ZBTB7C: variants seen among roughly 807,000 people sequenced by gnomAD.
The protein encoded by ZBTB7C is zinc finger and BTB domain containing 7C, also known as zinc finger and BTB domain-containing protein 7C.
In ZBTB7C, 8 loss-of-function variants were observed where a neutral mutation model predicts 25.7. The observed-to-expected ratio is 0.31, with a 90% confidence interval of 0.18 to 0.56. The LOEUF (loss-of-function observed/expected upper bound fraction) is 0.56, where lower values mean the gene tolerates loss of function less well. Ranked by LOEUF, ZBTB7C falls within the 20% of genes least tolerant of loss-of-function variation. The pLI is 0.91. For synonymous variants in ZBTB7C, 394 were observed against 369.0 expected, an observed-to-expected ratio of 1.07 and a Z score of -0.78; for missense variants, 824 against 855.2, an observed-to-expected ratio of 0.96 and a Z score of 0.46.
At chr18:48,105,132 T>A (rs1424913138) in intron 3 of ZBTB7C, among the ~76,000 whole-genome samples, 3 of 152,130 alleles carry the variant, frequency 2.0e-5, no homozygotes, top group Non-Finnish European at 4.4e-5. Flanking sequence ...GTTTCTGTCC[T>A]CTCCTCAGAA....
chr18:48,409,691 G>A (rs1260197169), upstream of ZBTB7C, among the ~76,000 whole-genome samples: 2 of 152,004 alleles, frequency 1.3e-5, no homozygotes, highest in Non-Finnish European at 2.9e-5. Flanking sequence ...GGGGGCGCCC[G>A]GGACTGGCGG....
intron 3 of ZBTB7C, among the ~76,000 whole-genome samples, chr18:48,131,599 T>A (rs111876504): frequency 6.6e-6 from 1 of 152,120 alleles, no homozygotes; most frequent in South Asian, 2.1e-4. Context: ...AAAACTGGGA[T>A]AAAATGATTT....
intron 2 of ZBTB7C, among the ~76,000 whole-genome samples, chr18:48,267,111 C>G (rs1410128953): frequency 6.6e-6 from 1 of 152,190 alleles, no homozygotes; most frequent in Non-Finnish European, 1.5e-5. Flanking sequence ...TCATGATTAG[C>G]TTCTGCTGTA....
rs552666746 is a variant in ZBTB7C at position 48,041,069 on chromosome 18, G to A, written c.39C>T (p.Phe13=). The A allele has an allele frequency of 8.5e-5, 136 of 1,608,878 alleles. 1 individual carries two copies. In the South Asian group the frequency reaches 9.3e-4, roughly 11 times the overall value. The change falls in exon 4 of 5, where the codon TTC becomes TTT. Residue 13 remains phenylalanine, a synonymous_variant. Transcript: ENST00000590800. ...NDIDELIGIP[F]PNHSSEVLCS... ...ACAGGACCTCACTGCTGTGGTTGGG[G>A]AAGGGAATGCCAATGAGCTCATCAA...
At chr18:48,297,211 A>C (rs776903724) in intron 2 of ZBTB7C, among the ~76,000 whole-genome samples, 21 of 152,142 alleles carry the variant, frequency 1.4e-4, no homozygotes, top group Non-Finnish European at 2.1e-4. Context: ...CCTTGGATTT[A>C]TTTTTTATTT....
intron 2 of ZBTB7C, among the ~76,000 whole-genome samples, chr18:48,284,623 G>A (rs1208470805): frequency 6.6e-6 from 1 of 151,916 alleles, no homozygotes; most frequent in Non-Finnish European, 1.5e-5. Flanking sequence ...GCGGAACCGT[G>A]TCTCTACTAA....
At chr18:48,318,156 C>T (rs375714416) in intron 2 of ZBTB7C, among the ~76,000 whole-genome samples, 2 of 152,118 alleles carry the variant, frequency 1.3e-5, no homozygotes, top group East Asian at 3.9e-4. Context: ...GTCTTCTGCT[C>T]TCTGCCACCC....
chr18:48,294,745 T>C (rs9965306), intron 2 of ZBTB7C, among the ~76,000 whole-genome samples: 48,421 of 151,394 alleles, frequency 0.32, 8,064 homozygotes, highest in East Asian at 0.61. Flanking sequence ...GGACAGTTAT[T>C]CCAGCTGATC....
At chr18:48,041,239 C>A in intron 3 of ZBTB7C, 116 bp from the exon 4 acceptor site, 1 of 1,434,084 alleles carries the variant, frequency 7.0e-7, no homozygotes, top group Non-Finnish European at 9.1e-7. Flanking sequence ...CACTGCAAGG[C>A]CAGTCCTCCT....
chr18:48,048,988 A>C (rs971630022), intron 3 of ZBTB7C, among the ~76,000 whole-genome samples: 1 of 152,200 alleles, frequency 6.6e-6, no homozygotes. Context: ...CAGAGCTAGA[A>C]TTAGAACTAG....
At chr18:48,280,848 C>CTTT (rs55760047) in intron 2 of ZBTB7C, among the ~76,000 whole-genome samples, 39 of 79,892 alleles carry the variant, frequency 4.9e-4, no homozygotes, top group East Asian at 9.1e-4. Flanking sequence ...TTTTCTCTCT[C>CTTT]TTTTTTTTTT....
intron 3 of ZBTB7C, among the ~76,000 whole-genome samples, chr18:48,178,129 C>G (rs754883323): frequency 2.6e-5 from 4 of 152,206 alleles, no homozygotes; most frequent in Admixed American, 6.5e-5. Flanking sequence ...GTTCCCTGCA[C>G]TGGCACTGGC....
intron 3 of ZBTB7C, among the ~76,000 whole-genome samples, chr18:48,182,139 T>C (rs2041942381): frequency 6.6e-6 from 1 of 152,184 alleles, no homozygotes; most frequent in Admixed American, 6.5e-5. Context: ...AAAGATATTA[T>C]TTCAATCAAG....
chr18:48,326,530 G>A (rs1044366498), intron 2 of ZBTB7C, among the ~76,000 whole-genome samples: 128 of 152,230 alleles, frequency 8.4e-4, no homozygotes, highest in African/African-American at 2.9e-3. Context: ...GACCCAAGTC[G>A]GTCCCTCCAT....
chr18:48,200,264 C>A (rs1048956819), intron 2 of ZBTB7C, among the ~76,000 whole-genome samples: 6 of 152,120 alleles, frequency 3.9e-5, no homozygotes, highest in Non-Finnish European at 2.9e-5. Flanking sequence ...CCCACCTGGT[C>A]GTGCCCCTTT....
intron 2 of ZBTB7C, among the ~76,000 whole-genome samples, chr18:48,321,700 C>T (rs1440789384): frequency 6.6e-6 from 1 of 152,124 alleles, no homozygotes; most frequent in African/African-American, 2.4e-5. Context: ...GTGTGATTTA[C>T]ACTTCCCCTG....
At chr18:48,313,004 T>C (rs1249088374) in intron 2 of ZBTB7C, among the ~76,000 whole-genome samples, 3 of 152,228 alleles carry the variant, frequency 2.0e-5, no homozygotes, top group African/African-American at 7.2e-5. Flanking sequence ...CATCAACTCA[T>C]CTGATATTCC....
intron 3 of ZBTB7C, among the ~76,000 whole-genome samples, chr18:48,121,145 C>G (rs1010723150): frequency 1.3e-5 from 2 of 152,232 alleles, no homozygotes; most frequent in Non-Finnish European, 2.9e-5. Context: ...TGAAAGAAAG[C>G]TGTCCCTCGA....
At chr18:48,177,169 T>C (rs956154590) in intron 3 of ZBTB7C, among the ~76,000 whole-genome samples, 2 of 152,192 alleles carry the variant, frequency 1.3e-5, no homozygotes, top group African/African-American at 2.4e-5. Flanking sequence ...AGCAGGACAA[T>C]GAGCCAAGAA....
Sources: allele counts gnomAD v4.1 joint callset (sites outside exome capture counted in the v4.1 genomes callset), GRCh38; gene constraint gnomAD v4.1.1; transcripts MANE v1.5; gene names NCBI Gene and HGNC (gene_info 2026-07-23, HGNC 2026-07-21).